AKAIN1: variants seen among roughly 807,000 people sequenced by gnomAD.
AKAIN1 encodes A-kinase anchor protein inhibitor 1.
In AKAIN1, 3 loss-of-function variants were observed where a neutral mutation model predicts 3.7. The observed-to-expected ratio is 0.82, with a 90% CI of 0.37 to 2.12. AKAIN1 has a LOEUF of 2.12. Ranked by LOEUF, AKAIN1 falls within the 30% of genes most tolerant of loss-of-function variation. AKAIN1 has a pLI of 0.06. For synonymous variants in AKAIN1, 31 were observed against 30.8 expected, an observed-to-expected ratio of 1.01 and a Z score of -0.02; for missense variants, 82 against 82.7, an observed-to-expected ratio of 0.99 and a Z score of 0.03.
rs75354209 is a variant in AKAIN1, at chr18:5,181,436, C to A, written c.16+15602G>T. On this transcript the variant is annotated intron_variant, in intron 1 of 1. Transcript: ENST00000434239. ...AGCCACATGTTAAAGAAAGACAGTTCTACTTTGGCATTTACTTATATAAAG... is the reference window on the plus strand; with the variant it reads ...AGCCACATGTTAAAGAAAGACAGTTATACTTTGGCATTTACTTATATAAAG... Among the ~76,000 whole-genome samples the A allele has an allele frequency of 2.6e-3, 389 of 152,264 alleles. 1 individual carries two copies. The highest frequency in any genetic ancestry group is 8.7e-3 in the African/African-American group (361 of 41,580).
At chr18:5,187,547 A>T (rs2071294441) in intron 1 of AKAIN1, among the ~76,000 whole-genome samples, 1 of 152,148 alleles carries the variant, frequency 6.6e-6, no homozygotes, top group Non-Finnish European at 1.5e-5. Flanking sequence ...AGCCAAACTT[A>T]TTCTTTTGTC....
intron 1 of AKAIN1, among the ~76,000 whole-genome samples, 182 bp downstream of exon 1, chr18:5,196,856 G>C (rs1386968627): frequency 6.6e-6 from 1 of 152,224 alleles, no homozygotes; most frequent in Admixed American, 6.5e-5. Context: ...GACAGATGGG[G>C]CGGGACTGGG....
intron 1 of AKAIN1, among the ~76,000 whole-genome samples, chr18:5,191,501 T>C (rs1314865306): frequency 6.6e-6 from 1 of 152,130 alleles, no homozygotes; most frequent in East Asian, 1.9e-4. Context: ...AAGAGCTAAA[T>C]AAACTAAGAG....
chr18:5,156,417 T>C (rs1027118837), intron 1 of AKAIN1, among the ~76,000 whole-genome samples: 2 of 152,110 alleles, frequency 1.3e-5, no homozygotes, highest in African/African-American at 4.8e-5. Context: ...TCAAAAGTAA[T>C]ATTTAGTCCC....
chr18:5,149,323 A>C (rs1385715567), intron 1 of AKAIN1, among the ~76,000 whole-genome samples: 1 of 152,100 alleles, frequency 6.6e-6, no homozygotes, highest in South Asian at 2.1e-4. Context: ...CACACATACT[A>C]CTTGTGTGTT....
intron 1 of AKAIN1, among the ~76,000 whole-genome samples, chr18:5,193,562 T>C (rs2071333285): frequency 6.6e-6 from 1 of 152,160 alleles, no homozygotes; most frequent in Admixed American, 6.5e-5. Flanking sequence ...ATTCTTTGGG[T>C]GAAACCATGG....
At position 5,176,441 on chromosome 18, in the gene AKAIN1, AAAAC is replaced by A. The variant is rs370470528; in HGVS notation, c.16+20593_16+20596del. 3.2e-3 allele frequency among the ~76,000 whole-genome samples: 479 copies of A among 149,890 alleles called. 3 individuals carry two copies. The highest frequency in any genetic ancestry group is 0.01 in the South Asian group (49 of 4,806). On this transcript the variant is annotated intron_variant, in intron 1 of 1. Transcript: ENST00000434239. ...GGTGACAGAGTGGGACCCTGTCTCA[AAAAC>A]AAACAAACAAACAAAAAAAACAAAC...
At chr18:5,150,165 C>A (rs2071072417) in intron 1 of AKAIN1, among the ~76,000 whole-genome samples, 1 of 152,214 alleles carries the variant, frequency 6.6e-6, no homozygotes, top group South Asian at 2.1e-4. Flanking sequence ...CTCTGTGCGG[C>A]ATCACACTCA....
At position 5,197,161 on chromosome 18, in the gene AKAIN1, C is replaced by A. The variant is rs1170605663; in HGVS notation, c.-108G>T. On this transcript the variant is annotated 5_prime_UTR_variant, in exon 1 of 2. Coordinates refer to ENST00000434239, the MANE Select transcript of AKAIN1 (RefSeq NM_001145194.2). This position sits in a 1 kb window ranked among gnomAD's most constrained non-coding sequence, Gnocchi z 6.9. ...GTCCGGTGCAGGAGGGCGCGCTGGG[C>A]GGGCGGCGGGCGGGGCGGTCAGCAC... 8 of 1,517,444 alleles carry A rather than the reference C, an allele frequency of 5.3e-6. No individual in the cohort carries two copies. Among genetic ancestry groups the A allele is most frequent in the African/African-American group, 1.4e-5 (1 of 71,180 alleles). The allele number at this position is 1,517,444 out of a possible 1,614,324, so 94.0% of individuals were successfully genotyped here.
At chr18:5,189,075 C>G (rs1329422810) in intron 1 of AKAIN1, among the ~76,000 whole-genome samples, 1 of 152,132 alleles carries the variant, frequency 6.6e-6, no homozygotes, top group Non-Finnish European at 1.5e-5. Context: ...ACACCTGAGC[C>G]CATTTGAGCC....
At position 5,152,846 on chromosome 18, in the gene AKAIN1, A is replaced by ACGG. The variant is rs375515813; in HGVS notation, c.17-7094_17-7092dup. 6.1e-3 allele frequency among the ~76,000 whole-genome samples: 935 copies of ACGG among 152,238 alleles called. 11 individuals are homozygous for ACGG. The highest frequency in any genetic ancestry group is 0.017 in the African/African-American group (711 of 41,550). ...TGGCTAGTGCCCACCAGGGAGGGAG[A>ACGG]CGGGCGATGGCGCTGAAGAAAGGAG... On this transcript the variant is annotated intron_variant, in intron 1 of 1. Coordinates refer to ENST00000434239, the MANE Select transcript of AKAIN1 (RefSeq NM_001145194.2).
intron 1 of AKAIN1, among the ~76,000 whole-genome samples, chr18:5,171,729 A>G (rs893265525): frequency 6.6e-6 from 1 of 152,188 alleles, no homozygotes. Flanking sequence ...GAACCTTTGT[A>G]CATATTTGGT....
chr18:5,175,019 C>G (rs1259500871), intron 1 of AKAIN1, among the ~76,000 whole-genome samples: 1 of 152,180 alleles, frequency 6.6e-6, no homozygotes, highest in Non-Finnish European at 1.5e-5. Context: ...GCCAGTGTAG[C>G]CGCACAGGGT....
intron 1 of AKAIN1, among the ~76,000 whole-genome samples, chr18:5,173,752 T>G (rs2143353706): frequency 6.6e-6 from 1 of 152,286 alleles, no homozygotes; most frequent in East Asian, 1.9e-4. Context: ...GCTGGTGATC[T>G]CTAAACACTC....
rs190365119 is a variant in AKAIN1, at chr18:5,145,805, G to C, written c.17-50C>G. 3.4e-6 allele frequency: 5 copies of C among 1,458,450 alleles called. No individual in the cohort carries two copies. The African/African-American group carries it at 7.0e-5, about 20-fold the overall frequency. 90.3% of individuals were successfully genotyped at this position (1,458,450 alleles called of 1,614,324 possible). ...GGAAAAGGAGAGAAATTAATTTCAG[G>C]AATGTGAGAGGGAAAGGTAGAGGAG... On this transcript the variant is annotated intron_variant, in intron 1 of 1. Transcript: ENST00000434239.
At chr18:5,181,439 C>T (rs1026324970) in intron 1 of AKAIN1, among the ~76,000 whole-genome samples, 1 of 152,164 alleles carries the variant, frequency 6.6e-6, no homozygotes, top group Non-Finnish European at 1.5e-5. Context: ...GACAGTTCTA[C>T]TTTGGCATTT....
rs1020731074 is a variant in AKAIN1, at chr18:5,197,163, G to C, written c.-110C>G. 2.0e-6 allele frequency: 3 copies of C among 1,519,156 alleles called. No homozygotes were observed. The highest frequency in any genetic ancestry group is 4.1e-5 in the Admixed American group (2 of 49,314). The allele number at this position is 1,519,156 out of a possible 1,614,324, so 94.1% of individuals were successfully genotyped here. A position where few individuals can be genotyped will look rare whatever the true frequency, so the allele number is the denominator to read the frequency against. On this transcript the variant is annotated 5_prime_UTR_variant, in exon 1 of 2. Transcript: ENST00000434239. This position sits in a 1 kb window ranked among gnomAD's most constrained non-coding sequence, Gnocchi z 6.9. ...CCGGTGCAGGAGGGCGCGCTGGGCG[G>C]GCGGCGGGCGGGGCGGTCAGCACCC...
intron 1 of AKAIN1, among the ~76,000 whole-genome samples, chr18:5,153,964 C>T (rs1054087527): frequency 1.3e-5 from 2 of 152,148 alleles, no homozygotes; most frequent in African/African-American, 4.8e-5. Flanking sequence ...CTTAAAACTG[C>T]TTCACACCTG....
chr18:5,172,541 C>T (rs1158104265), intron 1 of AKAIN1, among the ~76,000 whole-genome samples: 1 of 151,982 alleles, frequency 6.6e-6, no homozygotes, highest in East Asian at 1.9e-4. Context: ...TCTTATCTAA[C>T]CAAATGACTT....
Sources: allele counts gnomAD v4.1 joint callset (sites outside exome capture counted in the v4.1 genomes callset), GRCh38; gene constraint gnomAD v4.1.1; non-coding constraint Gnocchi (gnomAD v3.1); transcripts MANE v1.5; gene names NCBI Gene and HGNC (gene_info 2026-07-23, HGNC 2026-07-21).